The following AAK1 variants were observed in gnomAD, a reference collection of about 807,000 sequenced individuals.
AAK1 encodes the protein AP2 associated kinase 1.
In AAK1, 37 loss-of-function variants were observed where a neutral mutation model predicts 116.0. The observed-to-expected ratio is 0.32, with a 90% confidence interval of 0.25 to 0.42. The LOEUF is 0.42. Among genes scored for constraint, AAK1 ranks in the 10% least tolerant of loss-of-function variants. The probability of loss-of-function intolerance (pLI) is 1.00; values close to 1 mark genes in which losing one functional copy is unlikely to be tolerated. For synonymous variants in AAK1, 458 were observed against 439.9 expected (o/e 1.04, Z -0.51); for missense variants, 919 against 1,170.6 (o/e 0.79, Z 3.14).
intron 5 of AAK1, among the ~76,000 whole-genome samples, chr2:69,538,570 C>T (rs1041473719): frequency 1.3e-5 from 2 of 152,202 alleles, no homozygotes; most frequent in African/African-American, 4.8e-5. Flanking sequence ...TCATTTAATC[C>T]AGTAAGTGTT....
intron 13 of AAK1, among the ~76,000 whole-genome samples, chr2:69,513,888 A>G (rs1676484259): frequency 6.6e-6 from 1 of 152,190 alleles, no homozygotes; most frequent in South Asian, 2.1e-4. Context: ...CCAATATCTA[A>G]AAGTGGACAT....
Position 69,474,841 on chromosome 2 carries a change from T to A in AAK1, c.*1028A>T. The A allele has an allele frequency of 1.0e-6, 1 of 985,862 alleles. No homozygotes were observed. The highest frequency in any genetic ancestry group is 1.2e-6 in the Non-Finnish European group (1 of 829,926). The allele number at this position is 985,862 out of a possible 1,614,324, so 61.1% of individuals were successfully genotyped here. ...CCTGTACAGACACCTGATATCAGAC[T>A]TGAAATGCCAAGTGGAAACAGAACT... On this transcript the variant is annotated 3_prime_UTR_variant, in exon 22 of 22. Transcript: ENST00000409085.
Position 69,564,191 on chromosome 2 carries a change from C to CA in AAK1, c.164-7214dup, listed in dbSNP as rs112960636. On this transcript the variant is annotated intron_variant, in intron 2 of 21. Coordinates refer to ENST00000409085, the MANE Select transcript of AAK1 (RefSeq NM_014911.5). ...TGAGTGACAGAGTGAGACTCCATCT[C>CA]AAAAAAAAAAGAAAAAAGAAAAAAG... 6.4e-3 allele frequency among the ~76,000 whole-genome samples: 856 copies of CA among 134,330 alleles called. 10 individuals carry two copies. The highest frequency in any genetic ancestry group is 0.02 in the African/African-American group (710 of 36,158). 88.1% of individuals were successfully genotyped at this position (134,330 alleles called of 152,430 possible).
At chr2:69,598,289 G>C (rs1270959065) in intron 2 of AAK1, 2 of 376,278 alleles carry the variant, frequency 5.3e-6, no homozygotes, top group African/African-American at 4.2e-5. Context: ...TATTCCTACA[G>C]AGGATTTCAC....
chr2:69,515,835 T>C (rs1057203361), intron 12 of AAK1, among the ~76,000 whole-genome samples: 1 of 128,164 alleles, frequency 7.8e-6, no homozygotes, highest in African/African-American at 2.6e-5. Flanking sequence ...AATTAGAAGA[T>C]GTCAAAAAAA....
Position 69,609,580 on chromosome 2 carries a change from T to C in AAK1, c.163+33298A>G, listed in dbSNP as rs538894121. On this transcript the variant is annotated intron_variant, in intron 2 of 21. Coordinates refer to ENST00000409085, the MANE Select transcript of AAK1 (RefSeq NM_014911.5). ...GCCTGAGGCTGAGGCAGGAGAATCATTTGAACCCAGAAGGCAGAGGTTGCA... is the reference window on the plus strand; with the variant it reads ...GCCTGAGGCTGAGGCAGGAGAATCACTTGAACCCAGAAGGCAGAGGTTGCA... 1.8e-4 allele frequency among the ~76,000 whole-genome samples: 27 copies of C among 149,964 alleles called. No individual in the cohort carries two copies. The South Asian group carries it at 5.5e-3, about 31-fold the overall frequency.
In AAK1 at chr2:69,471,829, A is replaced by G. The variant is rs115649288; in HGVS notation, c.*4040T>C. 514 of 985,466 alleles carry G rather than the reference A, an allele frequency of 5.2e-4. 1 individual carries two copies. In the African/African-American group the frequency reaches 8.6e-3, roughly 16 times the overall value. 61.0% of individuals were successfully genotyped at this position (985,466 alleles called of 1,614,324 possible). A position where few individuals can be genotyped will look rare whatever the true frequency, so the allele number is the denominator to read the frequency against. On this transcript the variant is annotated 3_prime_UTR_variant, in exon 22 of 22. Coordinates refer to ENST00000409085, the MANE Select transcript of AAK1 (RefSeq NM_014911.5). ...GGCAGAACTGTTCCTAACCTGGGGA[A>G]GGTTATATTGGTTGATCAATTATCT...
At position 69,507,511 on chromosome 2, in the gene AAK1, C is replaced by G. The variant is rs1676230594; in HGVS notation, c.2074G>C (p.Gly692Arg). The change falls in exon 15 of 22, where the codon GGG becomes CGG. Residue 692 changes from glycine (G) to arginine (R), a missense_variant. Gly to Arg is a moderately radical substitution (Grantham distance 125). Coordinates refer to ENST00000409085, the MANE Select transcript of AAK1 (RefSeq NM_014911.5). ...SQQNVYNPSEGSTWNPFDDDN... is the reference protein window; with the variant it reads ...SQQNVYNPSERSTWNPFDDDN... ...TCATCAAAGGGATTCCACGTAGACC[C>G]TTCTGAAGGATTATAAACGTTTTGT... 2 of 1,612,452 alleles carry G rather than the reference C, an allele frequency of 1.2e-6. No individual in the cohort carries two copies. Among genetic ancestry groups the G allele is most frequent in the Non-Finnish European group, 1.7e-6 (2 of 1,179,362 alleles).
intron 2 of AAK1, among the ~76,000 whole-genome samples, chr2:69,565,276 G>A (rs1259996628): frequency 6.6e-6 from 1 of 152,222 alleles, no homozygotes; most frequent in African/African-American, 2.4e-5. Context: ...GCTAAAAACA[G>A]CTGGATCTTT....
At chr2:69,502,383 AG>A (rs1351534656) in intron 16 of AAK1, among the ~76,000 whole-genome samples, 2 of 151,714 alleles carry the variant, frequency 1.3e-5, no homozygotes, top group African/African-American at 4.8e-5. Context: ...GCACTTTGGG[AG>A]GCTGAGGCGG....
chr2:69,492,568 G>A (rs1216630711), intron 17 of AAK1, among the ~76,000 whole-genome samples: 1 of 133,052 alleles, frequency 7.5e-6, no homozygotes, highest in Non-Finnish European at 1.5e-5. Context: ...TGTCGCCCAG[G>A]ATAGAGTGGA....
chr2:69,593,736 T>C (rs1387457333), intron 2 of AAK1, among the ~76,000 whole-genome samples: 2 of 152,246 alleles, frequency 1.3e-5, no homozygotes, highest in African/African-American at 2.4e-5. Context: ...CCAAACTGTA[T>C]ACTGGATAAA....
chr2:69,493,479 G>A (rs1241722287), intron 17 of AAK1, among the ~76,000 whole-genome samples: 2 of 152,074 alleles, frequency 1.3e-5, no homozygotes, highest in African/African-American at 4.8e-5. Flanking sequence ...GGAGCCAGTC[G>A]TCTGGTGCCT....
At chr2:69,551,005 A>G (rs1315793036) in intron 3 of AAK1, among the ~76,000 whole-genome samples, 1 of 151,828 alleles carries the variant, frequency 6.6e-6, no homozygotes, top group Non-Finnish European at 1.5e-5. Context: ...CCCATCCCCT[A>G]TAGTGAACCA....
rs187920975 is a variant in AAK1 at position 69,502,480 on chromosome 2, G to C, written c.2269+3089C>G. Among the ~76,000 whole-genome samples, 693 of 152,274 alleles carry C rather than the reference G, an allele frequency of 4.6e-3. 3 individuals carry two copies. The highest frequency in any genetic ancestry group is 0.016 in the African/African-American group (660 of 41,538). ...CTACTAAAAGTACAAAATTAGCCTGGTGTGGTGGTGCATGCTTGTAATCTC... is the reference window on the plus strand; with the variant it reads ...CTACTAAAAGTACAAAATTAGCCTGCTGTGGTGGTGCATGCTTGTAATCTC... On this transcript the variant is annotated intron_variant, in intron 16 of 21. Transcript: ENST00000409085.
chr2:69,594,830 T>C lies in AAK1; in HGVS notation c.164-37852A>G. 9 of 1,540,868 alleles carry C rather than the reference T, an allele frequency of 5.8e-6. No homozygotes were observed. In the South Asian group the frequency reaches 6.7e-5, roughly 11 times the overall value. On this transcript the variant is annotated intron_variant, in intron 2 of 21. Transcript: ENST00000409085. Reference sequence around the variant, plus strand: ...TTAATAGCCAGCATTCTCTTAGACCTGCAGTTGGGCTCAACGCACTCAAGC... The same window carrying C: ...TTAATAGCCAGCATTCTCTTAGACCCGCAGTTGGGCTCAACGCACTCAAGC...
chr2:69,614,889 C>G (rs1447243299), intron 2 of AAK1, among the ~76,000 whole-genome samples: 5 of 152,064 alleles, frequency 3.3e-5, no homozygotes, highest in African/African-American at 1.2e-4. Context: ...CCTGGAGCCA[C>G]GAGAAGCCAG....
intron 2 of AAK1, among the ~76,000 whole-genome samples, chr2:69,606,926 C>T (rs1478818695): frequency 1.3e-5 from 2 of 150,988 alleles, no homozygotes; most frequent in African/African-American, 2.4e-5. Flanking sequence ...ATTAGCCGGG[C>T]GTGGTGGTGC....
intron 2 of AAK1, among the ~76,000 whole-genome samples, chr2:69,574,695 G>T (rs1456462202): frequency 6.6e-6 from 1 of 152,130 alleles, no homozygotes; most frequent in Non-Finnish European, 1.5e-5. Context: ...TACACGACGG[G>T]GATGGTGGCT....
Sources: gnomAD v4.1 joint callset for allele counts (sites outside exome capture counted in the v4.1 genomes callset) on GRCh38, gnomAD v4.1.1 for gene constraint, MANE v1.5 for transcripts, NCBI Gene and HGNC (gene_info 2026-07-23, HGNC 2026-07-21) for gene names.